The following RASGRP1 variants were observed in gnomAD, a reference collection of about 807,000 sequenced individuals.
The protein encoded by RASGRP1 is RAS guanyl-releasing protein 1.
In RASGRP1, 37 loss-of-function variants were observed where a neutral mutation model predicts 95.1. That is an observed-to-expected ratio of 0.39 (90% CI 0.30 to 0.51). The LOEUF (loss-of-function observed/expected upper bound fraction) is 0.51. Among genes scored for constraint, RASGRP1 ranks in the 20% least tolerant of loss-of-function variants. The pLI, the probability that RASGRP1 is intolerant of heterozygous loss-of-function variation, is 0.80. For missense variants in RASGRP1, 711 were observed against 965.4 expected (o/e 0.74, Z 3.49); for synonymous variants, 325 against 353.4 (o/e 0.92, Z 0.90).
rs150949623 is a variant in RASGRP1 at position 38,490,951 on chromosome 15, G to A, written c.2260-263C>T. Among the ~76,000 whole-genome samples the A allele has an allele frequency of 1.8e-4, 28 of 152,278 alleles. 1 individual carries two copies. Among genetic ancestry groups the A allele is most frequent in the South Asian group, 1.5e-3 (7 of 4,814 alleles). ...AGAATAAACCATTTCCGAGCAATAG[G>A]TAGATAATGACAAAACTTTTGGATG... On this transcript the variant is annotated intron_variant, in intron 16 of 16. Coordinates refer to ENST00000310803, the MANE Select transcript of RASGRP1 (RefSeq NM_005739.4).
intron 2 of RASGRP1, among the ~76,000 whole-genome samples, chr15:38,537,896 G>GGTGA (rs1892720624): frequency 6.6e-6 from 1 of 152,162 alleles, no homozygotes; most frequent in South Asian, 2.1e-4. Context: ...GAACTGCACC[G>GGTGA]GTGAGTGAGG....
chr15:38,493,555 T>G (rs1373696374), intron 16 of RASGRP1, among the ~76,000 whole-genome samples: 1 of 152,188 alleles, frequency 6.6e-6, no homozygotes, highest in Non-Finnish European at 1.5e-5. Flanking sequence ...CTTTCCTTGG[T>G]AAACTTTATT....
At chr15:38,521,420 C>T (rs1356253228) in intron 3 of RASGRP1, among the ~76,000 whole-genome samples, 1 of 152,182 alleles carries the variant, frequency 6.6e-6, no homozygotes, top group East Asian at 1.9e-4. Context: ...TATATTCTGA[C>T]AGTGCACGTT....
intron 2 of RASGRP1, among the ~76,000 whole-genome samples, chr15:38,531,247 G>A (rs571515590): frequency 2.6e-5 from 4 of 152,334 alleles, no homozygotes; most frequent in African/African-American, 7.2e-5. Context: ...AATGGGTGGA[G>A]GAGCTGGGAC....
chr15:38,493,559 CTTTAT>C (rs764404622), intron 16 of RASGRP1, among the ~76,000 whole-genome samples: 11 of 152,132 alleles, frequency 7.2e-5, no homozygotes, highest in African/African-American at 1.7e-4. Context: ...CCTTGGTAAA[CTTTAT>C]TTTGTCTTTT....
At chr15:38,549,383 T>C (rs1893239120) in intron 2 of RASGRP1, among the ~76,000 whole-genome samples, 1 of 152,220 alleles carries the variant, frequency 6.6e-6, no homozygotes, top group African/African-American at 2.4e-5. Context: ...GACTCATAGA[T>C]GATTAACAGG....
At chr15:38,537,503 G>A (rs1892700447) in intron 2 of RASGRP1, among the ~76,000 whole-genome samples, 1 of 152,122 alleles carries the variant, frequency 6.6e-6, no homozygotes, top group Non-Finnish European at 1.5e-5. Flanking sequence ...ATGGCTCATA[G>A]ACATTGACCA....
chr15:38,531,039 G>A (rs1435274866), intron 2 of RASGRP1, among the ~76,000 whole-genome samples: 1 of 152,184 alleles, frequency 6.6e-6, no homozygotes, highest in Non-Finnish European at 1.5e-5. Flanking sequence ...TTAAAAAAGA[G>A]CCTGAAGAGC....
chr15:38,513,181 G>C (rs1891609885), intron 6 of RASGRP1, among the ~76,000 whole-genome samples: 1 of 152,192 alleles, frequency 6.6e-6, no homozygotes, highest in Non-Finnish European at 1.5e-5. Context: ...TACATCGAAA[G>C]TTATTAGGAA....
chr15:38,564,486 G>C, intron 1 of RASGRP1, 108 bp downstream of exon 1: 1 of 1,013,628 alleles, frequency 9.9e-7, no homozygotes, highest in Non-Finnish European at 1.2e-6. Context: ...GCCGACCCCG[G>C]CCCCCCTCCG....
At chr15:38,511,842 G>A (rs750861621) in intron 7 of RASGRP1, 122 bp from the exon 8 acceptor site, 14 of 664,346 alleles carry the variant, frequency 2.1e-5, no homozygotes, top group South Asian at 7.3e-5. Context: ...GACTAGTTAC[G>A]AGGCATTGCA....
rs1018348217 is a variant in RASGRP1 at position 38,494,242 on chromosome 15, C to G, written c.2259+140G>C. The G allele has an allele frequency of 9.0e-6, 10 of 1,109,168 alleles. No individual in the cohort carries two copies. In the African/African-American group the frequency reaches 1.4e-4, roughly 15 times the overall value. 68.7% of individuals were successfully genotyped at this position (1,109,168 alleles called of 1,614,324 possible). On this transcript the variant is annotated intron_variant, in intron 16 of 16. Transcript: ENST00000310803. Reference sequence around the variant, plus strand: ...CTCTCTTCCTCCCTGTTTCTCCCTCCCTGTTTCTCCCCTCCTCCTTTTTTG... The same window carrying G: ...CTCTCTTCCTCCCTGTTTCTCCCTCGCTGTTTCTCCCCTCCTCCTTTTTTG...
intron 3 of RASGRP1, among the ~76,000 whole-genome samples, chr15:38,521,427 C>T (rs1368396336): frequency 1.3e-5 from 2 of 152,148 alleles, no homozygotes; most frequent in South Asian, 2.1e-4. Flanking sequence ...TGACAGTGCA[C>T]GTTGGCTGCA....
rs1892217499 is a variant in RASGRP1 at position 38,526,311 on chromosome 15, T to C, written c.314A>G (p.Lys105Arg). 2 of 1,612,920 alleles carry C rather than the reference T, an allele frequency of 1.2e-6. No individual in the cohort carries two copies. The highest frequency in any genetic ancestry group is 2.7e-5 in the African/African-American group (2 of 74,996). The change falls in exon 3 of 17, where the codon AAA becomes AGA. Residue 105 changes from lysine to arginine, a missense_variant. Transcript: ENST00000310803. ...IVISSAELLQ[K>R]VITLYKDALA... Reference sequence around the variant, plus strand: ...TGTTAAAGGATATAGGGTGATAACTTTTTGGAGCAGTTCTGCAGAGGAGAT... The same window carrying C: ...TGTTAAAGGATATAGGGTGATAACTCTTTGGAGCAGTTCTGCAGAGGAGAT...
At chr15:38,509,422 A>T (rs1450438941) in intron 8 of RASGRP1, among the ~76,000 whole-genome samples, 1 of 152,194 alleles carries the variant, frequency 6.6e-6, no homozygotes, top group South Asian at 2.1e-4. Context: ...TCAGCACAGC[A>T]TGCATTTTAA....
chr15:38,518,576 G>T (rs878942541), intron 4 of RASGRP1, among the ~76,000 whole-genome samples, 153 bp from the exon 5 acceptor site: 1 of 152,152 alleles, frequency 6.6e-6, no homozygotes, highest in Admixed American at 6.5e-5. Flanking sequence ...TGGGGTGGGA[G>T]CAGGGAAGGA....
chr15:38,503,455 T>C lies in RASGRP1; in HGVS notation c.1324-79A>G. 7.4e-6 allele frequency: 8 copies of C among 1,081,478 alleles called. No homozygotes were observed. In the South Asian group the frequency reaches 1.1e-4, roughly 15 times the overall value. 67.0% of individuals were successfully genotyped at this position (1,081,478 alleles called of 1,614,324 possible). A position where few individuals can be genotyped will look rare whatever the true frequency, so the allele number is the denominator to read the frequency against. ...TATAGCTCTTTCTTTTCCCACTACC[T>C]GACGGTTACATTTATGGACAATCTT... is the stretch of plus-strand genomic sequence containing the variant. On this transcript the variant is annotated intron_variant, in intron 10 of 16. Coordinates refer to ENST00000310803, the MANE Select transcript of RASGRP1 (RefSeq NM_005739.4).
chr15:38,499,383 G>A (rs1890921798), intron 14 of RASGRP1, among the ~76,000 whole-genome samples: 2 of 152,190 alleles, frequency 1.3e-5, no homozygotes, highest in Admixed American at 6.5e-5. Context: ...AGGGCCTTTA[G>A]TAATCATTTA....
chr15:38,527,552 A>G (rs909200080), intron 2 of RASGRP1, among the ~76,000 whole-genome samples: 60 of 152,210 alleles, frequency 3.9e-4, no homozygotes, highest in Admixed American at 3.5e-3. Context: ...CCTTCATTAC[A>G]ATGTCTTCAT....
Sources: gnomAD v4.1 joint callset for allele counts (sites outside exome capture counted in the v4.1 genomes callset) on GRCh38, gnomAD v4.1.1 for gene constraint, MANE v1.5 for transcripts, NCBI Gene and HGNC (gene_info 2026-07-23, HGNC 2026-07-21) for gene names.